The following GALNT17 variants were observed in gnomAD, a reference collection of about 807,000 sequenced individuals.
GALNT17 encodes the protein polypeptide N-acetylgalactosaminyltransferase 17, also known as UDP-GalNAc:polypeptide N-acetylgalactosaminyltransferase-like 3.
Under a neutral mutation model 63.7 loss-of-function variants are expected in GALNT17, and 29 were observed. The observed-to-expected ratio is 0.46, with a 90% CI of 0.34 to 0.62. The LOEUF (loss-of-function observed/expected upper bound fraction) is 0.62, where lower values mean the gene tolerates loss of function less well. GALNT17 is among the 20% of genes least tolerant of loss of function. The pLI is 0.01. For missense variants in GALNT17, 603 were observed against 799.6 expected, an observed-to-expected ratio of 0.75 and a Z score of 2.97; for synonymous variants, 305 against 318.3, an observed-to-expected ratio of 0.96 and a Z score of 0.45.
chr7:71,527,807 T>G lies in GALNT17; in HGVS notation c.963-43478T>G, dbSNP rs187192417. Among the ~76,000 whole-genome samples, 40 of 152,248 alleles carry G rather than the reference T, an allele frequency of 2.6e-4. No homozygotes were observed. The East Asian group carries it at 6.6e-3, about 25-fold the overall frequency. ...CACACCCACACAGCACACACGCATA[T>G]ACACACCATACACACACAGTACACA... On this transcript the variant is annotated intron_variant, in intron 5 of 10. Transcript: ENST00000333538.
intron 9 of GALNT17, among the ~76,000 whole-genome samples, chr7:71,704,595 A>C (rs1203378857): frequency 6.6e-6 from 1 of 152,004 alleles, no homozygotes; most frequent in Non-Finnish European, 1.5e-5. Context: ...AAGTTGCAAG[A>C]CTCACACTTC....
intron 1 of GALNT17, among the ~76,000 whole-genome samples, chr7:71,334,771 G>A (rs1791868929): frequency 6.6e-6 from 1 of 152,100 alleles, no homozygotes; most frequent in African/African-American, 2.4e-5. Flanking sequence ...CAAACATTTT[G>A]TATTTCCTCT....
chr7:71,361,303 G>A (rs1792397133), intron 2 of GALNT17, among the ~76,000 whole-genome samples: 1 of 152,162 alleles, frequency 6.6e-6, no homozygotes, highest in Non-Finnish European at 1.5e-5. Context: ...AACAACATTT[G>A]AGTCTTGCAT....
chr7:71,580,765 T>A (rs533808154), intron 6 of GALNT17, among the ~76,000 whole-genome samples: 80 of 152,132 alleles, frequency 5.3e-4, no homozygotes, highest in Middle Eastern at 3.4e-3. Context: ...TAAGGAGCAC[T>A]GTTGGAGGAG....
intron 3 of GALNT17, among the ~76,000 whole-genome samples, chr7:71,412,288 A>G (rs1275366420): frequency 1.3e-5 from 2 of 152,094 alleles, no homozygotes; most frequent in Non-Finnish European, 2.9e-5. Flanking sequence ...CTGCCTCCTA[A>G]ATACATGTGT....
At chr7:71,393,704 C>T in intron 3 of GALNT17, among the ~76,000 whole-genome samples, 1 of 152,130 alleles carries the variant, frequency 6.6e-6, no homozygotes, top group Non-Finnish European at 1.5e-5. Context: ...GATGAGACTG[C>T]AGATTTTCCT....
intron 6 of GALNT17, among the ~76,000 whole-genome samples, chr7:71,647,113 G>A (rs1031823641): frequency 1.3e-4 from 20 of 151,756 alleles, no homozygotes; most frequent in Admixed American, 1.2e-3. Context: ...TACCCAGGCT[G>A]GAGTGCAGTG....
At chr7:71,423,004 C>T (rs991975522) in intron 5 of GALNT17, among the ~76,000 whole-genome samples, 5 of 152,156 alleles carry the variant, frequency 3.3e-5, no homozygotes, top group Non-Finnish European at 7.3e-5. Context: ...TCAGCATCCA[C>T]GTCATTCTGT....
intron 6 of GALNT17, among the ~76,000 whole-genome samples, chr7:71,580,490 G>C (rs1301183462): frequency 6.6e-6 from 1 of 152,112 alleles, no homozygotes; most frequent in African/African-American, 2.4e-5. Flanking sequence ...CCACCCTTGA[G>C]GGGATTTAAA....
intron 5 of GALNT17, among the ~76,000 whole-genome samples, chr7:71,455,506 G>GTTT (rs59094741): frequency 1.4e-4 from 20 of 146,896 alleles, no homozygotes; most frequent in African/African-American, 3.0e-4. Context: ...TTTTGTTTTT[G>GTTT]TTTTTTTTTT....
At chr7:71,187,940 G>A (rs1056673571) in intron 1 of GALNT17, among the ~76,000 whole-genome samples, 1 of 152,136 alleles carries the variant, frequency 6.6e-6, no homozygotes, top group Admixed American at 6.5e-5. Context: ...CAGCTGTAGA[G>A]CTTAGCTCCC....
chr7:71,439,343 A>T (rs1184656775), intron 5 of GALNT17, among the ~76,000 whole-genome samples: 1 of 152,230 alleles, frequency 6.6e-6, no homozygotes, highest in African/African-American at 2.4e-5. Flanking sequence ...GGTGAAATAC[A>T]TGCTATTTCT....
At chr7:71,555,064 G>A (rs1304779030) in intron 5 of GALNT17, among the ~76,000 whole-genome samples, 1 of 152,012 alleles carries the variant, frequency 6.6e-6, no homozygotes, top group Admixed American at 6.6e-5. Flanking sequence ...GGTGAGAGAG[G>A]GAGCAAGAGA....
chr7:71,316,299 A>G (rs1583855559), intron 1 of GALNT17, among the ~76,000 whole-genome samples: 1 of 127,160 alleles, frequency 7.9e-6, no homozygotes, highest in African/African-American at 2.9e-5. Flanking sequence ...GATCAGAGGG[A>G]GAATGGAACA....
chr7:71,538,174 G>A (rs1788830473), intron 5 of GALNT17, among the ~76,000 whole-genome samples: 1 of 152,150 alleles, frequency 6.6e-6, no homozygotes, highest in Admixed American at 6.5e-5. Context: ...TGATAATTTT[G>A]TACTTAGAAC....
chr7:71,259,901 A>G (rs1312451750), intron 1 of GALNT17, among the ~76,000 whole-genome samples: 1 of 151,980 alleles, frequency 6.6e-6, no homozygotes, highest in Non-Finnish European at 1.5e-5. Flanking sequence ...TCGGCCTCCC[A>G]AAGTGCTGAG....
At chr7:71,272,638 C>T (rs1790613972) in intron 1 of GALNT17, among the ~76,000 whole-genome samples, 2 of 152,198 alleles carry the variant, frequency 1.3e-5, no homozygotes, top group Non-Finnish European at 1.5e-5. Flanking sequence ...GCCCTTCAAC[C>T]TGCGCTTCAG....
At chr7:71,351,300 A>T (rs1391580190) in intron 2 of GALNT17, among the ~76,000 whole-genome samples, 2 of 152,124 alleles carry the variant, frequency 1.3e-5, no homozygotes, top group Non-Finnish European at 2.9e-5. Flanking sequence ...GGGTGATGGA[A>T]GGGAGGTAGG....
chr7:71,501,115 G>A (rs962264183), intron 5 of GALNT17, among the ~76,000 whole-genome samples: 1 of 151,132 alleles, frequency 6.6e-6, no homozygotes, highest in Non-Finnish European at 1.5e-5. Context: ...GATTACACGC[G>A]CTACCACCAT....
Sources: gnomAD v4.1 joint callset for allele counts (sites outside exome capture counted in the v4.1 genomes callset) on GRCh38, gnomAD v4.1.1 for gene constraint, MANE v1.5 for transcripts, NCBI Gene and HGNC (gene_info 2026-07-23, HGNC 2026-07-21) for gene names.